SLC67A1: variants seen among roughly 807,000 people sequenced by gnomAD.
SLC67A1 encodes the protein solute carrier family 67 member 1.
the SLC67A1 span, among the ~76,000 whole-genome samples, chr11:2,908,041 G>A: frequency 6.6e-6 from 1 of 152,172 alleles, no homozygotes; most frequent in South Asian, 2.1e-4. Context: ...GGACCTTAGA[G>A]ACCACAACAG....
At chr11:2,919,119 C>T in the SLC67A1 span, 1 of 357,216 alleles carries the variant, frequency 2.8e-6, no homozygotes, top group South Asian at 3.7e-5. Flanking sequence ...GCACTTTCCA[C>T]ACCAGGGATA....
the SLC67A1 span, chr11:2,902,621 A>T: frequency 3.0e-6 from 3 of 985,474 alleles, no homozygotes; most frequent in Non-Finnish European, 3.6e-6. Flanking sequence ...TTAATGTGGC[A>T]AAATTTGGGG....
At chr11:2,906,935 A>G in the SLC67A1 span, among the ~76,000 whole-genome samples, 1 of 149,950 alleles carries the variant, frequency 6.7e-6, no homozygotes, top group African/African-American at 2.4e-5. Flanking sequence ...GGCGCTGGGG[A>G]GGGGAGGGAT....
the SLC67A1 span, chr11:2,919,445 G>A: frequency 1.1e-5 from 16 of 1,470,318 alleles, no homozygotes; most frequent in Non-Finnish European, 1.5e-5. Flanking sequence ...GGGCACGGCA[G>A]GGGTCTCCAG....
the SLC67A1 span, among the ~76,000 whole-genome samples, chr11:2,906,643 C>T: frequency 1.3e-5 from 2 of 148,562 alleles, no homozygotes; most frequent in Admixed American, 1.4e-4. Flanking sequence ...CATGTTCTCA[C>T]TCATAGGTGG....
At chr11:2,901,481 G>T in the SLC67A1 span, among the ~76,000 whole-genome samples, 1 of 152,252 alleles carries the variant, frequency 6.6e-6, no homozygotes, top group South Asian at 2.1e-4. Flanking sequence ...GGGAGGAGGT[G>T]GGGCAGGAGT....
At chr11:2,901,411 T>C in the SLC67A1 span, among the ~76,000 whole-genome samples, 3 of 152,238 alleles carry the variant, frequency 2.0e-5, no homozygotes, top group Non-Finnish European at 2.9e-5. Flanking sequence ...GGAGCGATGA[T>C]TGACACATGG....
the SLC67A1 span, chr11:2,909,138 G>T: frequency 4.5e-5 from 64 of 1,419,756 alleles, no homozygotes; most frequent in Middle Eastern, 5.8e-4. Flanking sequence ...GCCCCTGGAC[G>T]GGGGGAAGGG....
the SLC67A1 span, among the ~76,000 whole-genome samples, chr11:2,917,532 C>T: frequency 6.6e-6 from 1 of 152,234 alleles, no homozygotes; most frequent in Non-Finnish European, 1.5e-5. Flanking sequence ...GTGGGCCAGG[C>T]CACGGCGGTG....
chr11:2,903,099 G>A, the SLC67A1 span: 1 of 815,712 alleles, frequency 1.2e-6, no homozygotes, highest in South Asian at 3.3e-5. Context: ...TGTGTGCCTG[G>A]AGACCAGAGC....
the SLC67A1 span, among the ~76,000 whole-genome samples, chr11:2,900,554 G>C: frequency 6.6e-6 from 1 of 151,754 alleles, no homozygotes; most frequent in African/African-American, 2.4e-5. Flanking sequence ...ATTAGCGGGG[G>C]CTGTGGCGGG....
At chr11:2,908,735 C>T in the SLC67A1 span, among the ~76,000 whole-genome samples, 1 of 152,154 alleles carries the variant, frequency 6.6e-6, no homozygotes, top group Non-Finnish European at 1.5e-5. Context: ...GCAAGGGACA[C>T]GTATTGGGAG....
the SLC67A1 span, among the ~76,000 whole-genome samples, chr11:2,904,379 G>A: frequency 2.0e-5 from 3 of 152,218 alleles, no homozygotes; most frequent in Non-Finnish European, 4.4e-5. Context: ...GTGAGCCTAA[G>A]GATCCCTCCC....
the SLC67A1 span, among the ~76,000 whole-genome samples, chr11:2,915,693 G>A: frequency 6.6e-6 from 1 of 152,198 alleles, no homozygotes; most frequent in Non-Finnish European, 1.5e-5. Flanking sequence ...GGCTGTATAG[G>A]AGTTTGCTCA....
the SLC67A1 span, chr11:2,922,309 C>T: frequency 1.3e-6 from 2 of 1,506,288 alleles, no homozygotes; most frequent in East Asian, 2.3e-5. Context: ...TCCAGCCCCC[C>T]ACACCCACCC....
the SLC67A1 span, among the ~76,000 whole-genome samples, chr11:2,900,997 G>A: frequency 6.6e-5 from 10 of 152,180 alleles, no homozygotes; most frequent in Non-Finnish European, 1.5e-4. Flanking sequence ...TGGAGGGAAA[G>A]TTAGAGCAAT....
the SLC67A1 span, chr11:2,918,020 G>T: frequency 2.5e-6 from 4 of 1,613,440 alleles, no homozygotes; most frequent in South Asian, 1.1e-5. Flanking sequence ...CGACCTGAAG[G>T]CCATCGCCTC....
the SLC67A1 span, chr11:2,917,003 G>A: frequency 1.9e-6 from 1 of 537,448 alleles, no homozygotes; most frequent in East Asian, 3.3e-5. Context: ...GGCGTTAGGA[G>A]GGGAGGCCCA....
chr11:2,904,354 G>T, the SLC67A1 span, among the ~76,000 whole-genome samples: 3 of 152,328 alleles, frequency 2.0e-5, no homozygotes, highest in South Asian at 6.2e-4. Flanking sequence ...CCTGGCAGAG[G>T]CTCCCAGCCC....
Sources: allele counts gnomAD v4.1 joint callset (sites outside exome capture counted in the v4.1 genomes callset), GRCh38; gene constraint gnomAD v4.1.1; transcripts MANE v1.5; gene names NCBI Gene and HGNC (gene_info 2026-07-23, HGNC 2026-07-21).